Variants in STPG2 observed in about 807,000 individuals in gnomAD.
The protein encoded by STPG2 is sperm tail PG-rich repeat containing 2.
Under a neutral mutation model 54.2 loss-of-function variants are expected in STPG2, and 56 were observed. That is an observed-to-expected ratio of 1.03 (90% CI 0.83 to 1.29). The LOEUF is 1.29. Among genes scored for constraint, STPG2 ranks in the 50% most tolerant of loss-of-function variants. The probability of loss-of-function intolerance (pLI) is 0.00; values close to 1 mark genes in which losing one functional copy is unlikely to be tolerated. For synonymous variants in STPG2, 200 were observed against 181.8 expected, an observed-to-expected ratio of 1.10 and a Z score of -0.81; for missense variants, 596 against 544.9, an observed-to-expected ratio of 1.09 and a Z score of -0.93.
chr4:97,496,360 G>A (rs1730611578), intron 4 of STPG2, among the ~76,000 whole-genome samples: 1 of 151,632 alleles, frequency 6.6e-6, no homozygotes, highest in Non-Finnish European at 1.5e-5. Context: ...AGCTGCCTCA[G>A]GGAAAAGAAT....
intron 4 of STPG2, among the ~76,000 whole-genome samples, chr4:97,523,385 T>C (rs1016665025): frequency 6.6e-6 from 1 of 151,922 alleles, no homozygotes; most frequent in Non-Finnish European, 1.5e-5. Flanking sequence ...AATTATTATA[T>C]AAAGGCCTAG....
At chr4:97,873,691 T>A (rs1247726442) in intron 8 of STPG2, among the ~76,000 whole-genome samples, 2 of 151,532 alleles carry the variant, frequency 1.3e-5, no homozygotes, top group Non-Finnish European at 3.0e-5. Context: ...TTAGATCCAA[T>A]TGATTTTCCC....
intron 10 of STPG2, among the ~76,000 whole-genome samples, chr4:97,690,475 A>G (rs1723330203): frequency 6.6e-6 from 1 of 152,114 alleles, no homozygotes; most frequent in Non-Finnish European, 1.5e-5. Flanking sequence ...AATAGGTCCT[A>G]TGTATATAAA....
chr4:97,598,017 TA>T (rs797000128), intron 10 of STPG2, among the ~76,000 whole-genome samples: 151 of 146,184 alleles, frequency 1.0e-3, no homozygotes, highest in South Asian at 8.6e-3. Flanking sequence ...TGATCTGATT[TA>T]AAAAAAAAAA....
chr4:97,738,438 C>T (rs188690912), intron 9 of STPG2, among the ~76,000 whole-genome samples: 1,894 of 152,196 alleles, frequency 0.012, 34 homozygotes, highest in African/African-American at 0.044. Context: ...AGAGTCAAGA[C>T]CAATCAGAGT....
intron 4 of STPG2, among the ~76,000 whole-genome samples, chr4:97,481,085 CAT>C (rs561741289): frequency 2.6e-3 from 397 of 151,470 alleles, no homozygotes; most frequent in African/African-American, 8.7e-3. Flanking sequence ...CATGGCATGA[CAT>C]AGAGAAAAAA....
At position 97,519,991 on chromosome 4, in the gene STPG2, C is replaced by T. The variant is rs557646475; in HGVS notation, c.462+192708G>A. ...CCTAGTCTTTCTGTACCTCAGTGTC[C>T]TTATCTGTAAAATAGGGATAAAAAT... On this transcript the variant is annotated intron_variant, in intron 4 of 4. Transcript: ENST00000522676. Among the ~76,000 whole-genome samples the T allele has an allele frequency of 2.0e-5, 3 of 152,030 alleles. No homozygotes were observed. In the East Asian group the frequency reaches 5.8e-4, roughly 29 times the overall value.
intron 4 of STPG2, among the ~76,000 whole-genome samples, chr4:97,442,603 T>TA (rs2148791137): frequency 6.6e-6 from 1 of 152,222 alleles, no homozygotes; most frequent in African/African-American, 2.4e-5. Flanking sequence ...TCTGTAATGA[T>TA]AAAGTTAGAC....
chr4:97,632,356 C>T (rs568919182), intron 10 of STPG2, among the ~76,000 whole-genome samples: 8 of 149,440 alleles, frequency 5.4e-5, no homozygotes, highest in Non-Finnish European at 1.0e-4. Context: ...CTATGTTTTA[C>T]AAGGAAAAAC....
intron 8 of STPG2, among the ~76,000 whole-genome samples, chr4:97,931,388 C>G (rs1018800510): frequency 5.9e-5 from 9 of 152,170 alleles, no homozygotes; most frequent in Non-Finnish European, 1.5e-5. Flanking sequence ...GAGTTTTTAA[C>G]ATGCAGGCAT....
intron 8 of STPG2, among the ~76,000 whole-genome samples, chr4:97,927,806 G>C (rs1732393489): frequency 6.6e-6 from 1 of 151,998 alleles, no homozygotes; most frequent in South Asian, 2.1e-4. Flanking sequence ...CATAACTATA[G>C]TACTCAATGA....
chr4:98,046,926 C>T (rs7666738), intron 5 of STPG2, among the ~76,000 whole-genome samples: 41,632 of 151,942 alleles, frequency 0.27, 5,978 homozygotes, highest in Middle Eastern at 0.36. Context: ...ATTTAGTCTC[C>T]CAGAGAAATA....
chr4:97,928,354 G>A (rs1261336058), intron 8 of STPG2, among the ~76,000 whole-genome samples: 2 of 152,128 alleles, frequency 1.3e-5, no homozygotes, highest in Non-Finnish European at 2.9e-5. Flanking sequence ...TCATTAATAT[G>A]TTTTGTTTCT....
chr4:97,849,107 C>T (rs1193186397), intron 8 of STPG2, among the ~76,000 whole-genome samples: 7 of 150,826 alleles, frequency 4.6e-5, no homozygotes, highest in Admixed American at 6.6e-5. Context: ...GCCATTTTCA[C>T]GATATTGATT....
At chr4:97,469,102 C>A (rs1252014423) in intron 4 of STPG2, among the ~76,000 whole-genome samples, 1 of 152,100 alleles carries the variant, frequency 6.6e-6, no homozygotes, top group Non-Finnish European at 1.5e-5. Flanking sequence ...GTAATACTCT[C>A]ACATATCTGG....
intron 8 of STPG2, among the ~76,000 whole-genome samples, chr4:97,929,724 T>G (rs773816312): frequency 6.6e-6 from 1 of 152,152 alleles, no homozygotes; most frequent in Non-Finnish European, 1.5e-5. Flanking sequence ...TAATGGGGTT[T>G]TGTTTTACTC....
intron 5 of STPG2, among the ~76,000 whole-genome samples, chr4:98,011,850 G>T (rs1735762625): frequency 6.6e-6 from 1 of 152,132 alleles, no homozygotes; most frequent in Non-Finnish European, 1.5e-5. Flanking sequence ...TGTAGATTCT[G>T]GATATTAGAC....
At position 97,651,613 on chromosome 4, in the gene STPG2, G is replaced by T. The variant is rs150409937; in HGVS notation, c.1320+61086C>A. ...CAAATAAACTTACATTTCAGACTTT[G>T]TTACAAGTTCTTTATTTTCCAACTA... On this transcript the variant is annotated intron_variant, in intron 10 of 10. Coordinates refer to ENST00000295268, the MANE Select transcript of STPG2 (RefSeq NM_174952.3). 7.4e-4 allele frequency among the ~76,000 whole-genome samples: 112 copies of T among 152,092 alleles called. 1 individual carries two copies. Among genetic ancestry groups the T allele is most frequent in the South Asian group, 2.3e-3 (11 of 4,828 alleles).
intron 9 of STPG2, among the ~76,000 whole-genome samples, chr4:97,754,808 A>T (rs1725681608): frequency 6.6e-6 from 1 of 152,106 alleles, no homozygotes; most frequent in African/African-American, 2.4e-5. Flanking sequence ...CATCTGCCCA[A>T]CTACCAGCAT....
Sources: gnomAD v4.1 joint callset for allele counts (sites outside exome capture counted in the v4.1 genomes callset) on GRCh38, gnomAD v4.1.1 for gene constraint, MANE v1.5 for transcripts, NCBI Gene and HGNC (gene_info 2026-07-23, HGNC 2026-07-21) for gene names.